Variants in TAFA2 observed in about 807,000 individuals in gnomAD.
The protein encoded by TAFA2 is chemokine-like protein TAFA-2.
TAFA2 carries 7 observed loss-of-function variants against 18.8 expected under a neutral mutation model. The ratio of observed to expected loss-of-function variants is 0.37; its 90% confidence interval spans 0.21 to 0.70. The LOEUF is 0.70. TAFA2 is among the 30% of genes least tolerant of loss of function. The probability of loss-of-function intolerance (pLI) is 0.53; values close to 1 mark genes in which losing one functional copy is unlikely to be tolerated. For missense variants in TAFA2, 122 were observed against 158.1 expected, an observed-to-expected ratio of 0.77 and a Z score of 1.23; for synonymous variants, 60 against 54.2, an observed-to-expected ratio of 1.11 and a Z score of -0.47.
At chr12:61,861,374 C>T (rs562674717) in intron 2 of TAFA2, among the ~76,000 whole-genome samples, 375 of 151,874 alleles carry the variant, frequency 2.5e-3, no homozygotes, top group African/African-American at 7.5e-3. Context: ...CTCAGCCTCC[C>T]GAGTAGCTGG....
At chr12:62,080,421 TA>T (rs1441968408) in intron 1 of TAFA2, among the ~76,000 whole-genome samples, 6 of 152,130 alleles carry the variant, frequency 3.9e-5, no homozygotes, top group Non-Finnish European at 7.4e-5. Context: ...GGGGTTGTCT[TA>T]AAATTCTGCC....
chr12:62,136,202 G>A (rs1306836773), intron 1 of TAFA2, among the ~76,000 whole-genome samples: 1 of 152,066 alleles, frequency 6.6e-6, no homozygotes, highest in East Asian at 1.9e-4. Flanking sequence ...CATCAGTTTA[G>A]ATTAAGTTGA....
intron 1 of TAFA2, among the ~76,000 whole-genome samples, chr12:61,871,763 T>C (rs1270839338): frequency 1.3e-5 from 2 of 152,174 alleles, no homozygotes; most frequent in African/African-American, 2.4e-5. Flanking sequence ...GACTTTTGGA[T>C]TATTTGAAAC....
chr12:61,970,182 A>G lies in TAFA2; in HGVS notation c.-1-102756T>C, dbSNP rs550547818. On this transcript the variant is annotated intron_variant, in intron 1 of 4. Coordinates refer to ENST00000416284, the MANE Select transcript of TAFA2 (RefSeq NM_178539.5). The stretch of plus-strand genomic sequence containing the variant: ...TTTATTCCTGACACTAAGAGCAAAA[A>G]AGAATAACTAAGAAATCAAAAAATT... Among the ~76,000 whole-genome samples, 586 of 148,260 alleles carry G rather than the reference A, an allele frequency of 4.0e-3. 5 individuals carry two copies. The highest frequency in any genetic ancestry group is 0.015 in the African/African-American group (554 of 38,066).
intron 1 of TAFA2, among the ~76,000 whole-genome samples, chr12:62,083,578 T>C (rs1010371198): frequency 6.6e-6 from 1 of 152,208 alleles, no homozygotes; most frequent in African/African-American, 2.4e-5. Context: ...ACAATACTTT[T>C]ATAGTTGCAA....
intron 1 of TAFA2, among the ~76,000 whole-genome samples, chr12:62,136,851 T>G (rs1870915793): frequency 6.6e-6 from 1 of 152,162 alleles, no homozygotes; most frequent in South Asian, 2.1e-4. Flanking sequence ...TGGGGGGACA[T>G]GCACCCCTTT....
chr12:62,234,175 G>T (rs1434126328), intron 1 of TAFA2, among the ~76,000 whole-genome samples: 1 of 152,218 alleles, frequency 6.6e-6, no homozygotes, highest in East Asian at 1.9e-4. Flanking sequence ...CTTTGGATCT[G>T]ACTGAGGCAC....
intron 1 of TAFA2, among the ~76,000 whole-genome samples, chr12:61,900,737 G>C (rs548407453): frequency 6.6e-6 from 1 of 152,158 alleles, no homozygotes; most frequent in Non-Finnish European, 1.5e-5. Flanking sequence ...TTCAAGATGA[G>C]ATTTGGGTGG....
At chr12:62,029,612 TA>T (rs1881398714) in intron 1 of TAFA2, among the ~76,000 whole-genome samples, 1 of 126,714 alleles carries the variant, frequency 7.9e-6, no homozygotes, top group South Asian at 2.7e-4. Flanking sequence ...ATTACTTTTT[TA>T]AAAAAGCCAA....
chr12:62,245,792 A>C (rs1321496963), intron 1 of TAFA2, among the ~76,000 whole-genome samples: 1 of 148,540 alleles, frequency 6.7e-6, no homozygotes, highest in African/African-American at 2.5e-5. Flanking sequence ...TCAAAAGATC[A>C]GATTTGGGGT....
At chr12:61,736,147 A>G (rs1251926630) in intron 4 of TAFA2, among the ~76,000 whole-genome samples, 1 of 151,976 alleles carries the variant, frequency 6.6e-6, no homozygotes, top group Non-Finnish European at 1.5e-5. Flanking sequence ...CAAGGTCGTC[A>G]ATGCACTTTT....
intron 1 of TAFA2, among the ~76,000 whole-genome samples, chr12:61,973,411 TTTTA>T (rs201072184): frequency 0.034 from 5,084 of 148,396 alleles, 97 homozygotes; most frequent in South Asian, 0.054. Flanking sequence ...TTTTTTTTTT[TTTTA>T]GTTTTCATTA....
intron 1 of TAFA2, among the ~76,000 whole-genome samples, chr12:61,868,140 C>T (rs144525923): frequency 8.0e-4 from 122 of 152,236 alleles, no homozygotes; most frequent in African/African-American, 2.6e-3. Context: ...ATAATAGCTA[C>T]CTATAATAAA....
At chr12:61,788,521 T>C (rs917047426) in intron 2 of TAFA2, among the ~76,000 whole-genome samples, 3 of 151,568 alleles carry the variant, frequency 2.0e-5, no homozygotes, top group Non-Finnish European at 4.4e-5. Context: ...CTGATCACAA[T>C]AGTATAAAGC....
At chr12:62,071,802 A>G (rs1239491576) in intron 1 of TAFA2, among the ~76,000 whole-genome samples, 1 of 152,152 alleles carries the variant, frequency 6.6e-6, no homozygotes, top group African/African-American at 2.4e-5. Flanking sequence ...GGCTTGAACA[A>G]CTGGGTGGAT....
intron 1 of TAFA2, among the ~76,000 whole-genome samples, chr12:62,152,142 G>A (rs2062333008): frequency 6.6e-6 from 1 of 152,208 alleles, no homozygotes; most frequent in Admixed American, 6.6e-5. Context: ...GAGAAAAAAA[G>A]ATGATCTCTA....
At chr12:61,902,299 T>C (rs962547487) in intron 1 of TAFA2, among the ~76,000 whole-genome samples, 5 of 152,150 alleles carry the variant, frequency 3.3e-5, no homozygotes, top group African/African-American at 1.2e-4. Flanking sequence ...TAAAATAAGA[T>C]GTCAATACGT....
At chr12:61,844,865 T>G (rs1282317490) in intron 2 of TAFA2, among the ~76,000 whole-genome samples, 1 of 152,134 alleles carries the variant, frequency 6.6e-6, no homozygotes, top group African/African-American at 2.4e-5. Context: ...TCTGGCAGTA[T>G]CACAGAACTT....
chr12:61,849,145 T>C (rs1036249210), intron 2 of TAFA2, among the ~76,000 whole-genome samples: 16 of 152,092 alleles, frequency 1.1e-4, no homozygotes, highest in African/African-American at 3.9e-4. Context: ...CGCCCGGCCA[T>C]GGTAGGTACT....
Sources: gnomAD v4.1 joint callset for allele counts (sites outside exome capture counted in the v4.1 genomes callset) on GRCh38, gnomAD v4.1.1 for gene constraint, MANE v1.5 for transcripts, NCBI Gene and HGNC (gene_info 2026-07-23, HGNC 2026-07-21) for gene names.